Variants in ATL2 observed in about 807,000 individuals in gnomAD.
ATL2 encodes the protein atlastin GTPase 2.
ATL2 carries 31 observed loss-of-function variants against 73.9 expected under a neutral mutation model. That is an observed-to-expected ratio of 0.42 (90% confidence interval 0.32 to 0.57). ATL2 has a LOEUF of 0.57. Ranked by LOEUF, ATL2 falls within the 20% of genes least tolerant of loss-of-function variation. The pLI is 0.14. For missense variants in ATL2, 738 were observed against 702.6 expected, an observed-to-expected ratio of 1.05 and a Z score of -0.57; for synonymous variants, 291 against 237.5, an observed-to-expected ratio of 1.23 and a Z score of -2.07.
intron 2 of ATL2, among the ~76,000 whole-genome samples, chr2:38,334,028 C>CTT (rs34303299): frequency 0.27 from 32,905 of 121,384 alleles, 5,315 homozygotes; most frequent in African/African-American, 0.32. Flanking sequence ...ATCCAATCCT[C>CTT]TTTTTTTTTT....
chr2:38,310,131 G>A (rs1301546429), intron 8 of ATL2, among the ~76,000 whole-genome samples, 178 bp downstream of exon 8: 3 of 152,210 alleles, frequency 2.0e-5, no homozygotes, highest in Non-Finnish European at 4.4e-5. Flanking sequence ...CTAGACAGCT[G>A]CAAACAAATC....
At chr2:38,353,364 T>G (rs571144522) in intron 1 of ATL2, among the ~76,000 whole-genome samples, 2 of 152,282 alleles carry the variant, frequency 1.3e-5, no homozygotes, top group South Asian at 4.1e-4. Context: ...GAAGAAAGTT[T>G]GTAAACTTGC....
At chr2:38,371,334 A>C (rs1671677863) in intron 1 of ATL2, among the ~76,000 whole-genome samples, 2 of 152,098 alleles carry the variant, frequency 1.3e-5, no homozygotes, top group African/African-American at 4.8e-5. Flanking sequence ...CAGGGAGACC[A>C]CATCTCCACA....
At chr2:38,326,003 C>T (rs1418589187) in intron 2 of ATL2, among the ~76,000 whole-genome samples, 1 of 151,180 alleles carries the variant, frequency 6.6e-6, no homozygotes, top group Non-Finnish European at 1.5e-5. Flanking sequence ...TGCCTGTAAT[C>T]TCAGCTATTC....
At chr2:38,342,237 G>A (rs142873897) in intron 2 of ATL2, among the ~76,000 whole-genome samples, 3 of 152,144 alleles carry the variant, frequency 2.0e-5, no homozygotes, top group Non-Finnish European at 2.9e-5. Flanking sequence ...CAATTAAAAT[G>A]TAAGTATCTC....
intron 1 of ATL2, among the ~76,000 whole-genome samples, chr2:38,356,036 T>A (rs768854710): frequency 1.3e-5 from 2 of 151,522 alleles, no homozygotes; most frequent in Non-Finnish European, 2.9e-5. Flanking sequence ...ATCAATATAA[T>A]AAGAAAACAA....
intron 2 of ATL2, among the ~76,000 whole-genome samples, chr2:38,324,984 C>A (rs1668516779): frequency 6.6e-6 from 1 of 152,170 alleles, no homozygotes. Flanking sequence ...ACAATGTGAA[C>A]AGACTTAGTG....
intron 1 of ATL2, 25 bp from the exon 2 acceptor site, chr2:38,343,537 G>A (rs765786002): frequency 3.0e-5 from 47 of 1,589,326 alleles, no homozygotes; most frequent in Non-Finnish European, 3.8e-5. Flanking sequence ...GAAAGAAACT[G>A]GTTACTTTAA....
In ATL2 at chr2:38,348,532, A is replaced by C. The variant is rs1426943376; in HGVS notation, c.119-5020T>G. Among the ~76,000 whole-genome samples the C allele has an allele frequency of 2.0e-5, 3 of 152,182 alleles. No individual in the cohort carries two copies. In the East Asian group the frequency reaches 5.8e-4, roughly 29 times the overall value. ...AAGAACTCAAAAGTAATAACTGCTA[A>C]AATATCACAATGACCAAGTGTGGAG... is the stretch of plus-strand genomic sequence containing the variant. On this transcript the variant is annotated intron_variant, in intron 1 of 12. Transcript: ENST00000378954.
At chr2:38,314,100 G>A (rs1403942943) in intron 6 of ATL2, among the ~76,000 whole-genome samples, 1 of 152,114 alleles carries the variant, frequency 6.6e-6, no homozygotes, top group African/African-American at 2.4e-5. Flanking sequence ...AGCAAACATG[G>A]TAGAGTCATG....
intron 1 of ATL2, among the ~76,000 whole-genome samples, chr2:38,352,312 C>T (rs1346973755): frequency 6.6e-6 from 1 of 152,042 alleles, no homozygotes; most frequent in Non-Finnish European, 1.5e-5. Context: ...GACTGGCCCT[C>T]GACCGTGGCT....
upstream of ATL2, among the ~76,000 whole-genome samples, chr2:38,378,222 GGTCTTTTCATAA>G (rs1446942835): frequency 6.6e-6 from 1 of 152,172 alleles, no homozygotes; most frequent in African/African-American, 2.4e-5. Flanking sequence ...GTTTTGTCCA[GGTCTTTTCATAA>G]GTCTAAAATT....
At chr2:38,296,673 G>A (rs1666912427) in intron 12 of ATL2, 1 of 1,569,982 alleles carries the variant, frequency 6.4e-7, no homozygotes, top group African/African-American at 1.4e-5. Context: ...ATTTGAGACT[G>A]TAGGTTTCTC....
At chr2:38,357,479 C>G (rs1024051022) in intron 1 of ATL2, among the ~76,000 whole-genome samples, 4 of 150,764 alleles carry the variant, frequency 2.7e-5, no homozygotes, top group African/African-American at 9.7e-5. Flanking sequence ...CATGGTGAAA[C>G]CTCATCTCTA....
intron 1 of ATL2, among the ~76,000 whole-genome samples, chr2:38,345,950 C>A (rs1669994624): frequency 6.6e-6 from 1 of 152,168 alleles, no homozygotes; most frequent in East Asian, 1.9e-4. Context: ...GCAGTAAGCA[C>A]CATAGGTGTA....
At chr2:38,377,336 G>C (rs1210668027), upstream of ATL2, 53 of 1,349,186 alleles carry the variant, frequency 3.9e-5, no homozygotes, top group Non-Finnish European at 5.2e-5. Flanking sequence ...GGGAGCCGGC[G>C]GGGTGGCCGG....
At position 38,296,024 on chromosome 2, in the gene ATL2, C is replaced by T. The variant is rs1428919011; in HGVS notation, c.1722G>A (p.Val574=). The change falls in exon 13 of 13, where the codon GTG becomes GTA. Residue 574 remains valine, a synonymous_variant. Transcript: ENST00000378954. ...NSIKAGLTDQ[V]SHHARLKTD is the part of the protein sequence containing the mutation. ...CTGTCTTTAATCTGGCATGATGAGA[C>T]ACCTGGTCAGTCAGGCCTGCTTTGA... 1 of 1,551,558 alleles carries T rather than the reference C, an allele frequency of 6.4e-7. No homozygotes were observed. The highest frequency in any genetic ancestry group is 2.4e-5 in the East Asian group (1 of 40,910).
intron 12 of ATL2, chr2:38,297,856 A>C (rs568144602): frequency 3.8e-5 from 9 of 235,392 alleles, no homozygotes; most frequent in Middle Eastern, 1.3e-3. Context: ...TTCCTCAAAG[A>C]AAAAAATCAT....
intron 2 of ATL2, among the ~76,000 whole-genome samples, chr2:38,325,699 T>TAC (rs1221635411): frequency 0.027 from 304 of 11,268 alleles, 42 homozygotes; most frequent in Admixed American, 0.046. Flanking sequence ...CACACACCAG[T>TAC]ACACACACAC....
Sources: allele counts gnomAD v4.1 joint callset (sites outside exome capture counted in the v4.1 genomes callset), GRCh38; gene constraint gnomAD v4.1.1; transcripts MANE v1.5; gene names NCBI Gene and HGNC (gene_info 2026-07-23, HGNC 2026-07-21).